ANKDD1B: variants seen among roughly 807,000 people sequenced by gnomAD.
ANKDD1B encodes ankyrin repeat and death domain containing 1B.
A neutral mutation model predicts 59.7 loss-of-function variants in ANKDD1B; 57 were observed. That is an observed-to-expected ratio of 0.95 (90% CI 0.77 to 1.19). The LOEUF is 1.19. ANKDD1B is among the 50% of genes most tolerant of loss of function. ANKDD1B has a pLI of 0.00. For synonymous variants in ANKDD1B, 216 were observed against 239.5 expected (o/e 0.90, Z 0.91); for missense variants, 602 against 641.9 (o/e 0.94, Z 0.67).
At chr5:75,657,554 G>T (rs749718223) in intron 9 of ANKDD1B, among the ~76,000 whole-genome samples, 3 of 152,104 alleles carry the variant, frequency 2.0e-5, no homozygotes, top group Admixed American at 6.5e-5. Flanking sequence ...GTCAGTATAA[G>T]TGTAATGTCT....
chr5:75,631,668 A>G (rs552177944), intron 5 of ANKDD1B, among the ~76,000 whole-genome samples: 1 of 152,342 alleles, frequency 6.6e-6, no homozygotes, highest in East Asian at 1.9e-4. Flanking sequence ...CCTCCTGGAC[A>G]GCTATGTGGA....
At chr5:75,617,638 A>G (rs1352088030) in intron 2 of ANKDD1B, among the ~76,000 whole-genome samples, 1 of 152,160 alleles carries the variant, frequency 6.6e-6, no homozygotes, top group Non-Finnish European at 1.5e-5. Context: ...TGGTATACGA[A>G]GCATAAGCTT....
At chr5:75,619,601 A>G (rs1773795731) in intron 2 of ANKDD1B, among the ~76,000 whole-genome samples, 1 of 152,204 alleles carries the variant, frequency 6.6e-6, no homozygotes, top group African/African-American at 2.4e-5. Flanking sequence ...CCATGCCCAG[A>G]CATCTTATTT....
chr5:75,625,979 G>C, intron 5 of ANKDD1B, 24 bp downstream of exon 5: 1 of 1,466,934 alleles, frequency 6.8e-7, no homozygotes, highest in Non-Finnish European at 9.2e-7. Flanking sequence ...GGTTGTGTAG[G>C]TCTTGCATAC....
intron 7 of ANKDD1B, among the ~76,000 whole-genome samples, chr5:75,648,836 T>C (rs1017363913): frequency 1.3e-5 from 2 of 152,174 alleles, no homozygotes; most frequent in African/African-American, 4.8e-5. Flanking sequence ...TGTAGGTGAT[T>C]GCTGTGTTTG....
intron 7 of ANKDD1B, among the ~76,000 whole-genome samples, chr5:75,645,088 C>T (rs1394180888): frequency 3.9e-5 from 5 of 127,172 alleles, no homozygotes; most frequent in Admixed American, 3.6e-4. Context: ...CTCTGGGACG[C>T]ATTCAAAGCA....
chr5:75,612,946 A>G (rs1239213788), intron 1 of ANKDD1B, among the ~76,000 whole-genome samples: 1 of 152,226 alleles, frequency 6.6e-6, no homozygotes, highest in Non-Finnish European at 1.5e-5. Context: ...CAAGCAAAGG[A>G]AAAAGAGCCA....
chr5:75,631,978 G>A (rs1032678751), intron 5 of ANKDD1B, among the ~76,000 whole-genome samples: 8 of 151,790 alleles, frequency 5.3e-5, no homozygotes, highest in African/African-American at 9.7e-5. Flanking sequence ...ATTGTGGTGC[G>A]CGCCTGTAAT....
chr5:75,647,268 A>G (rs1366646057), intron 7 of ANKDD1B, among the ~76,000 whole-genome samples: 1 of 117,528 alleles, frequency 8.5e-6, no homozygotes, highest in Admixed American at 8.0e-5. Flanking sequence ...AATTAAACTA[A>G]AGAGCTTCTG....
At chr5:75,635,255 C>T in intron 6 of ANKDD1B, 1 of 326,124 alleles carries the variant, frequency 3.1e-6, no homozygotes, top group Non-Finnish European at 5.8e-6. Flanking sequence ...CCATGATCAA[C>T]TCCACCCCTC....
intron 1 of ANKDD1B, among the ~76,000 whole-genome samples, chr5:75,614,053 G>A (rs1221645358): frequency 2.6e-5 from 4 of 152,276 alleles, no homozygotes; most frequent in Admixed American, 2.0e-4. Context: ...CAGGAACCCA[G>A]GTGTCAAGGA....
chr5:75,614,232 T>A (rs1773654997), intron 1 of ANKDD1B, among the ~76,000 whole-genome samples: 1 of 152,204 alleles, frequency 6.6e-6, no homozygotes, highest in Non-Finnish European at 1.5e-5. Context: ...CAAGCCCCAA[T>A]TCCCACAGGG....
intron 5 of ANKDD1B, among the ~76,000 whole-genome samples, chr5:75,629,386 T>C (rs1581135304): frequency 6.6e-6 from 1 of 152,058 alleles, no homozygotes; most frequent in African/African-American, 2.4e-5. Flanking sequence ...GGCAGGAACA[T>C]GCACTGGAGG....
chr5:75,648,274 A>AAAAATT (rs1554068912), intron 7 of ANKDD1B, among the ~76,000 whole-genome samples: 7 of 148,014 alleles, frequency 4.7e-5, no homozygotes, highest in South Asian at 2.2e-4. Flanking sequence ...AATTAAAAAA[A>AAAAATT]AAAAAAAAAG....
intron 1 of ANKDD1B, among the ~76,000 whole-genome samples, chr5:75,615,721 T>G (rs73122748): frequency 3.3e-5 from 5 of 151,734 alleles, no homozygotes; most frequent in African/African-American, 1.2e-4. Flanking sequence ...TCTCTTCTTA[T>G]AGGGACACCA....
At chr5:75,654,290 T>TGGTCTGCACCA (rs1261234725) in intron 8 of ANKDD1B, among the ~76,000 whole-genome samples, 1 of 152,178 alleles carries the variant, frequency 6.6e-6, no homozygotes, top group East Asian at 1.9e-4. Context: ...CTGGTGCAGA[T>TGGTCTGCACCA]GGTAGAGTCA....
chr5:75,662,743 T>C (rs981797321), intron 10 of ANKDD1B, among the ~76,000 whole-genome samples: 10 of 152,156 alleles, frequency 6.6e-5, no homozygotes, highest in African/African-American at 2.4e-4. Context: ...TCCAGGCAGT[T>C]CATTCCCAAA....
intron 7 of ANKDD1B, among the ~76,000 whole-genome samples, chr5:75,637,952 G>A (rs1774360979): frequency 6.6e-6 from 1 of 152,154 alleles, no homozygotes; most frequent in Admixed American, 6.5e-5. Flanking sequence ...CCAATGTAAT[G>A]CATGTGCTCA....
At chr5:75,653,572 A>C (rs1448661620) in intron 8 of ANKDD1B, among the ~76,000 whole-genome samples, 1 of 152,242 alleles carries the variant, frequency 6.6e-6, no homozygotes, top group African/African-American at 2.4e-5. Context: ...ATAATGAAGC[A>C]GCTGTACATA....
Sources: gnomAD v4.1 joint callset for allele counts (sites outside exome capture counted in the v4.1 genomes callset) on GRCh38, gnomAD v4.1.1 for gene constraint, MANE v1.5 for transcripts, NCBI Gene and HGNC (gene_info 2026-07-23, HGNC 2026-07-21) for gene names.